The following PHACTR1 variants were observed in gnomAD, a reference collection of about 807,000 sequenced individuals.
PHACTR1 encodes the protein phosphatase and actin regulator 1, also known as RPEL repeat containing 1.
In PHACTR1, 16 loss-of-function variants were observed where a neutral mutation model predicts 69.2. The observed-to-expected ratio is 0.23, with a 90% CI of 0.16 to 0.35. The LOEUF (loss-of-function observed/expected upper bound fraction) is 0.35. Ranked by LOEUF, PHACTR1 falls within the 10% of genes least tolerant of loss-of-function variation. The probability of loss-of-function intolerance (pLI) is 1.00; values close to 1 mark genes in which losing one functional copy is unlikely to be tolerated. For missense variants in PHACTR1, 510 were observed against 734.7 expected (o/e 0.69, Z 3.54); for synonymous variants, 312 against 284.5 (o/e 1.10, Z -0.97).
At chr6:13,148,587 A>T (rs1275456518) in intron 5 of PHACTR1, among the ~76,000 whole-genome samples, 1 of 151,930 alleles carries the variant, frequency 6.6e-6, no homozygotes, top group Non-Finnish European at 1.5e-5. Flanking sequence ...TTTTTTTCAC[A>T]TATACCTACT....
intron 4 of PHACTR1, among the ~76,000 whole-genome samples, chr6:12,952,581 T>C (rs1166386142): frequency 6.6e-6 from 1 of 152,210 alleles, no homozygotes; most frequent in Non-Finnish European, 1.5e-5. Flanking sequence ...AATAATACTC[T>C]ATTGTCCAGA....
intron 6 of PHACTR1, among the ~76,000 whole-genome samples, chr6:13,173,995 T>C (rs1425915128): frequency 6.6e-6 from 1 of 152,200 alleles, no homozygotes; most frequent in East Asian, 1.9e-4. Context: ...GCGTTTTCCA[T>C]TGAAAACAAT....
At chr6:13,033,807 G>A (rs530441229) in intron 4 of PHACTR1, among the ~76,000 whole-genome samples, 1 of 152,224 alleles carries the variant, frequency 6.6e-6, no homozygotes, top group Admixed American at 6.5e-5. Context: ...CCCATAGAGT[G>A]CCCTAAACAA....
At chr6:13,281,386 T>G in intron 12 of PHACTR1, 1 of 321,100 alleles carries the variant, frequency 3.1e-6, no homozygotes. Context: ...AAACCCTATC[T>G]CTATTAAAAA....
intron 4 of PHACTR1, among the ~76,000 whole-genome samples, chr6:12,943,066 G>A (rs1022658011): frequency 3.3e-5 from 5 of 152,164 alleles, no homozygotes; most frequent in Admixed American, 3.3e-4. Flanking sequence ...ACTTGTACAG[G>A]AATGTTCATA....
chr6:12,765,036 C>A (rs1351397706), intron 4 of PHACTR1, among the ~76,000 whole-genome samples: 1 of 152,050 alleles, frequency 6.6e-6, no homozygotes, highest in South Asian at 2.1e-4. Flanking sequence ...TGGAAATACT[C>A]ATATTTCAGA....
intron 5 of PHACTR1, among the ~76,000 whole-genome samples, chr6:13,134,674 T>C (rs1010617777): frequency 2.6e-5 from 4 of 151,898 alleles, no homozygotes; most frequent in Non-Finnish European, 4.4e-5. Flanking sequence ...CAGGGTCCTC[T>C]GCATAGGAAA....
At chr6:12,806,569 A>G (rs1193395290) in intron 4 of PHACTR1, among the ~76,000 whole-genome samples, 6 of 152,106 alleles carry the variant, frequency 3.9e-5, no homozygotes, top group Non-Finnish European at 7.4e-5. Flanking sequence ...CTCCTGCCTC[A>G]GCCTCCCTCC....
In PHACTR1 at chr6:13,179,733, TAGATAGATAGATAGAC is replaced by T. The variant is rs1246405637; in HGVS notation, c.497-2782_497-2767del. Among the ~76,000 whole-genome samples, 18 of 127,188 alleles carry T rather than the reference TAGATAGATAGATAGAC, an allele frequency of 1.4e-4. No individual in the cohort carries two copies. Among genetic ancestry groups the T allele is most frequent in the East Asian group, 5.1e-4 (2 of 3,932 alleles). 83.4% of individuals were successfully genotyped at this position (127,188 alleles called of 152,430 possible). On this transcript the variant is annotated intron_variant, in intron 6 of 14. Transcript: ENST00000332995. This position sits in a 1 kb window ranked among gnomAD's most constrained non-coding sequence, Gnocchi z 4.2. ...ATAGATAGATAGATAGATAGATAGA[TAGATAGATAGATAGAC>T]AGAACAAGGTTATCAATATTAATGT...
chr6:12,838,898 C>T (rs559734210), intron 4 of PHACTR1, among the ~76,000 whole-genome samples: 31 of 152,178 alleles, frequency 2.0e-4, no homozygotes, highest in South Asian at 1.2e-3. Flanking sequence ...CTAGGGTCTT[C>T]GGAAAATGTT....
intron 11 of PHACTR1, chr6:13,274,535 C>CT (rs1778484508): frequency 6.6e-6 from 1 of 152,186 alleles, no homozygotes; most frequent in Non-Finnish European, 1.5e-5. Flanking sequence ...TACTTGTGGC[C>CT]TCTGACCTGA....
intron 4 of PHACTR1, chr6:12,957,505 A>C (rs980930693): frequency 2.0e-6 from 2 of 985,314 alleles, no homozygotes; most frequent in Non-Finnish European, 2.4e-6. Context: ...GACTCCTTGG[A>C]GACGCCAGCT....
chr6:13,190,148 C>T (rs1369037783), intron 7 of PHACTR1, among the ~76,000 whole-genome samples: 3 of 148,728 alleles, frequency 2.0e-5, no homozygotes, highest in Admixed American at 6.7e-5. Flanking sequence ...CTCAGCCTCC[C>T]GAGTAGCTGG....
intron 4 of PHACTR1, among the ~76,000 whole-genome samples, chr6:12,938,264 A>C (rs1483295229): frequency 5.9e-5 from 9 of 152,282 alleles, no homozygotes; most frequent in Non-Finnish European, 1.5e-5. Flanking sequence ...TGATGTTTAT[A>C]ACTCACCAAA....
chr6:13,192,130 T>C (rs956366007), intron 7 of PHACTR1, among the ~76,000 whole-genome samples: 8 of 152,214 alleles, frequency 5.3e-5, no homozygotes, highest in African/African-American at 1.9e-4. Flanking sequence ...CAAAAATGGT[T>C]AAGGCCATCA....
intron 5 of PHACTR1, among the ~76,000 whole-genome samples, chr6:13,096,033 T>C (rs1213256085): frequency 1.3e-5 from 2 of 152,138 alleles, no homozygotes; most frequent in East Asian, 3.9e-4. Flanking sequence ...GGAATGACCT[T>C]CTTCTCCTTT....
At chr6:13,121,770 G>A (rs1336776245) in intron 5 of PHACTR1, among the ~76,000 whole-genome samples, 1 of 152,088 alleles carries the variant, frequency 6.6e-6, no homozygotes, top group East Asian at 1.9e-4. Flanking sequence ...ATCTAGACAG[G>A]GCCTCGCCCA....
intron 4 of PHACTR1, among the ~76,000 whole-genome samples, chr6:12,849,675 G>A (rs1779642951): frequency 6.6e-6 from 1 of 152,122 alleles, no homozygotes; most frequent in South Asian, 2.1e-4. Flanking sequence ...CAGGTCCCAT[G>A]AACTATGATG....
chr6:13,033,676 G>A lies in PHACTR1; in HGVS notation c.251-19689G>A, dbSNP rs189827184. On this transcript the variant is annotated intron_variant, in intron 4 of 14. Coordinates refer to ENST00000332995, the MANE Select transcript of PHACTR1 (RefSeq NM_030948.6). The stretch of plus-strand genomic sequence containing the variant: ...TGATTCAATCTGTCAGAATTTTGAA[G>A]CTTAATTCATGCAAACATGGCTGCT... Among the ~76,000 whole-genome samples, 29 of 152,312 alleles carry A rather than the reference G, an allele frequency of 1.9e-4. No homozygotes were observed. The East Asian group carries it at 5.4e-3, about 28-fold the overall frequency.
Sources: gnomAD v4.1 joint callset for allele counts (sites outside exome capture counted in the v4.1 genomes callset) on GRCh38, gnomAD v4.1.1 for gene constraint, Gnocchi (gnomAD v3.1) non-coding constraint, MANE v1.5 for transcripts, NCBI Gene and HGNC (gene_info 2026-07-23, HGNC 2026-07-21) for gene names.